Variants in NUP210L observed in about 807,000 individuals in gnomAD.
NUP210L encodes the protein nucleoporin 210 like.
Under a neutral mutation model 208.5 loss-of-function variants are expected in NUP210L, and 74 were observed. The ratio of observed to expected loss-of-function variants is 0.35; its 90% CI spans 0.29 to 0.43. The LOEUF (loss-of-function observed/expected upper bound fraction) is 0.43, where lower values mean the gene tolerates loss of function less well. Ranked by LOEUF, NUP210L falls within the 20% of genes least tolerant of loss-of-function variation. The pLI is 1.00. For synonymous variants in NUP210L, 780 were observed against 816.9 expected, an observed-to-expected ratio of 0.95 and a Z score of 0.77; for missense variants, 1,843 against 2,289.4, an observed-to-expected ratio of 0.81 and a Z score of 3.98.
At chr1:154,000,470 C>T (rs901547090) in intron 37 of NUP210L, among the ~76,000 whole-genome samples, 1 of 152,172 alleles carries the variant, frequency 6.6e-6, no homozygotes, top group Admixed American at 6.6e-5. Flanking sequence ...CAGGCATCAC[C>T]ACTCTTGTGC....
chr1:154,019,276 C>T (rs368303253), intron 32 of NUP210L, among the ~76,000 whole-genome samples: 2 of 152,088 alleles, frequency 1.3e-5, no homozygotes, highest in African/African-American at 2.4e-5. Context: ...AGAAGAGCTA[C>T]GTAGTTGGAG....
chr1:154,051,545 C>A (rs1653504349), intron 25 of NUP210L, among the ~76,000 whole-genome samples: 1 of 152,122 alleles, frequency 6.6e-6, no homozygotes, highest in Non-Finnish European at 1.5e-5. Flanking sequence ...ATGTTAATGT[C>A]TCTGGTCACA....
chr1:154,092,406 G>A (rs1571263009), intron 15 of NUP210L, among the ~76,000 whole-genome samples: 1 of 149,928 alleles, frequency 6.7e-6, no homozygotes, highest in Non-Finnish European at 1.5e-5. Flanking sequence ...GTCTCACTCT[G>A]TCGCCCAGGC....
chr1:154,021,921 G>GA (rs1174840907), intron 32 of NUP210L, among the ~76,000 whole-genome samples: 1 of 152,024 alleles, frequency 6.6e-6, no homozygotes, highest in East Asian at 1.9e-4. Flanking sequence ...AGATAATTTG[G>GA]AAAAAAATAT....
At chr1:154,113,971 C>T (rs1282447448) in intron 12 of NUP210L, among the ~76,000 whole-genome samples, 2 of 151,216 alleles carry the variant, frequency 1.3e-5, no homozygotes, top group East Asian at 1.9e-4. Flanking sequence ...GGTGAAACCC[C>T]GTCTCTACTA....
At chr1:154,030,488 G>C (rs893916739) in intron 27 of NUP210L, among the ~76,000 whole-genome samples, 2 of 151,906 alleles carry the variant, frequency 1.3e-5, no homozygotes, top group Non-Finnish European at 2.9e-5. Context: ...TGTAGACATG[G>C]GGTTTCGCCA....
At chr1:154,090,384 C>G (rs565625900) in intron 15 of NUP210L, among the ~76,000 whole-genome samples, 63 of 152,222 alleles carry the variant, frequency 4.1e-4, no homozygotes, top group African/African-American at 1.4e-3. Context: ...TAGGAAACTT[C>G]AAATGAGGGT....
chr1:154,007,816 C>T (rs768602369), intron 35 of NUP210L, among the ~76,000 whole-genome samples: 57 of 151,408 alleles, frequency 3.8e-4, no homozygotes, highest in African/African-American at 7.8e-4. Context: ...CCTCGTGATC[C>T]GCCTGCCTCG....
chr1:153,995,019 A>G, intron 38 of NUP210L, 57 bp downstream of exon 38: 1 of 1,211,234 alleles, frequency 8.3e-7, no homozygotes, highest in South Asian at 1.3e-5. Context: ...CTCAAAAAAA[A>G]AAAAAAAAAG....
intron 9 of NUP210L, among the ~76,000 whole-genome samples, chr1:154,127,108 TA>T (rs5777889): frequency 0.33 from 44,165 of 132,404 alleles, 7,160 homozygotes; most frequent in Admixed American, 0.47. Context: ...TGTGTCTCTT[TA>T]AAAAAAAAAA....
chr1:154,074,925 T>G (rs1654957838), intron 16 of NUP210L, among the ~76,000 whole-genome samples: 1 of 152,232 alleles, frequency 6.6e-6, no homozygotes, highest in South Asian at 2.1e-4. Flanking sequence ...AACATTGTAC[T>G]CAATAGGTAA....
chr1:154,032,875 ACCACTGCACTCCAGATTGCG>A lies in NUP210L; in HGVS notation c.3697-2841_3697-2822del, dbSNP rs1652310162. 3.3e-5 allele frequency among the ~76,000 whole-genome samples: 5 copies of A among 150,946 alleles called. No individual in the cohort carries two copies. The South Asian group carries it at 1.1e-3, about 32-fold the overall frequency. ...GGAGCTTGCAGTGAGGCGAGATCAC[ACCACTGCACTCCAGATTGCG>A]CCACTGCACTCCAGCCTGGGCGACA... On this transcript the variant is annotated intron_variant, in intron 27 of 39. Coordinates refer to ENST00000368559, the Ensembl canonical transcript of NUP210L.
At chr1:154,119,969 G>A (rs564739993) in intron 10 of NUP210L, among the ~76,000 whole-genome samples, 7 of 152,212 alleles carry the variant, frequency 4.6e-5, no homozygotes, top group South Asian at 2.1e-4. Context: ...GAATCGCCAC[G>A]CTGACTTCCA....
chr1:154,155,078 A>C lies in NUP210L; in HGVS notation c.-34T>G, dbSNP rs1033605549. ...CCAGGTCTCGGGTTCCCGCTCAACT[A>C]CAGCCGGCTCACAGCTCCATCAGCC... On this transcript the variant is annotated 5_prime_UTR_variant, in exon 1 of 40. Coordinates refer to ENST00000368559, the Ensembl canonical transcript of NUP210L. 6.6e-7 allele frequency: 1 copy of C among 1,504,066 alleles called. No individual in the cohort carries two copies. Among genetic ancestry groups the C allele is most frequent in the Non-Finnish European group, 9.1e-7 (1 of 1,099,326 alleles). The allele number at this position is 1,504,066 out of a possible 1,614,324, so 93.2% of individuals were successfully genotyped here.
At chr1:154,138,958 T>C (rs1427956807) in intron 5 of NUP210L, among the ~76,000 whole-genome samples, 2 of 152,206 alleles carry the variant, frequency 1.3e-5, no homozygotes, top group African/African-American at 4.8e-5. Flanking sequence ...TCTTCCTGCA[T>C]CTAAATTTTT....
chr1:154,011,679 GTTTTT>G (rs34653809), intron 34 of NUP210L, among the ~76,000 whole-genome samples: 2 of 78,420 alleles, frequency 2.6e-5, no homozygotes, highest in African/African-American at 4.9e-5. Flanking sequence ...ATTATCTTAA[GTTTTT>G]TTTTTTTTTT....
At chr1:153,995,599 C>T in intron 37 of NUP210L, 1 of 850,282 alleles carries the variant, frequency 1.2e-6, no homozygotes, top group Non-Finnish European at 2.0e-6. Flanking sequence ...CCACTTCTTC[C>T]TCTTCCAGGG....
At chr1:154,012,317 A>G (rs1650972449) in exon 34 of NUP210L, 3 of 1,613,728 alleles carry the variant, frequency 1.9e-6, no homozygotes, top group Non-Finnish European at 1.7e-6. Flanking sequence ...TATTGGTGAG[A>G]TAAGTCTTGA....
chr1:154,141,611 G>A (rs1472057873), intron 3 of NUP210L, 87 bp from the exon 4 acceptor site: 4 of 780,922 alleles, frequency 5.1e-6, no homozygotes, highest in Admixed American at 4.2e-5. Context: ...AACCTAACTA[G>A]AAAATTACTT....
Sources: allele counts gnomAD v4.1 joint callset (sites outside exome capture counted in the v4.1 genomes callset), GRCh38; gene constraint gnomAD v4.1.1; transcripts MANE v1.5; gene names NCBI Gene and HGNC (gene_info 2026-07-23, HGNC 2026-07-21).